ACER2: variants seen among roughly 807,000 people sequenced by gnomAD.
ACER2 encodes the protein alkCDase 2.
A neutral mutation model predicts 34.7 loss-of-function variants in ACER2; 26 were observed. The observed-to-expected ratio is 0.75, with a 90% confidence interval of 0.55 to 1.04. ACER2 has a LOEUF of 1.04. ACER2 is among the 50% of genes least tolerant of loss of function. The pLI, the probability that ACER2 is intolerant of heterozygous loss-of-function variation, is 0.00. For synonymous variants in ACER2, 138 were observed against 132.1 expected (o/e 1.04, Z -0.31); for missense variants, 352 against 340.8 (o/e 1.03, Z -0.26).
chr9:19,446,908 C>T (rs1831386461), intron 5 of ACER2, among the ~76,000 whole-genome samples: 1 of 152,046 alleles, frequency 6.6e-6, no homozygotes, highest in African/African-American at 2.4e-5. Context: ...GACAGAAGAC[C>T]AGAGAGCTAA....
At chr9:19,434,066 G>A (rs1431832117) in intron 3 of ACER2, among the ~76,000 whole-genome samples, 15 of 147,110 alleles carry the variant, frequency 1.0e-4, no homozygotes, top group African/African-American at 3.4e-4. Context: ...CGGGGCGGCC[G>A]GGCAGAGACG....
chr9:19,422,275 G>C (rs1830428789), intron 1 of ACER2, among the ~76,000 whole-genome samples: 1 of 151,596 alleles, frequency 6.6e-6, no homozygotes, highest in Non-Finnish European at 1.5e-5. Flanking sequence ...CTCTAGCCTG[G>C]TTGACAGAGT....
intron 4 of ACER2, 97 bp from the exon 5 acceptor site, chr9:19,446,184 G>C: frequency 6.4e-7 from 1 of 1,554,768 alleles, no homozygotes; most frequent in Non-Finnish European, 8.9e-7. Context: ...GGGGTTGTAG[G>C]CATGAGAGGA....
At chr9:19,426,980 G>C (rs887859871) in intron 3 of ACER2, among the ~76,000 whole-genome samples, 1 of 152,152 alleles carries the variant, frequency 6.6e-6, no homozygotes, top group Non-Finnish European at 1.5e-5. Flanking sequence ...TTTCTCTGGG[G>C]AAGATGTGAA....
intron 4 of ACER2, among the ~76,000 whole-genome samples, chr9:19,443,906 C>G (rs1357470462): frequency 6.6e-6 from 1 of 152,052 alleles, no homozygotes; most frequent in Non-Finnish European, 1.5e-5. Context: ...ATCCTCCCAC[C>G]TTGGCCTCCC....
At chr9:19,421,492 A>G (rs189739095) in intron 1 of ACER2, among the ~76,000 whole-genome samples, 2 of 152,360 alleles carry the variant, frequency 1.3e-5, no homozygotes, top group Non-Finnish European at 2.9e-5. Context: ...GCTAGATACA[A>G]AAGGACATAT....
At chr9:19,432,517 T>G (rs745921554) in intron 3 of ACER2, among the ~76,000 whole-genome samples, 2 of 151,654 alleles carry the variant, frequency 1.3e-5, no homozygotes, top group Non-Finnish European at 2.9e-5. Context: ...GTTGAGTAGT[T>G]GAGACCTTAG....
chr9:19,445,860 G>T (rs560416245), intron 4 of ACER2, among the ~76,000 whole-genome samples: 1 of 152,340 alleles, frequency 6.6e-6, no homozygotes, highest in Admixed American at 6.5e-5. Flanking sequence ...AGACTCTGAT[G>T]AGATGGCGGT....
chr9:19,441,653 A>G (rs1466304760), intron 4 of ACER2, among the ~76,000 whole-genome samples: 1 of 152,034 alleles, frequency 6.6e-6, no homozygotes, highest in Non-Finnish European at 1.5e-5. Context: ...TATGGCACCC[A>G]TCCTGATTGT....
At chr9:19,437,584 C>T (rs889403080) in intron 4 of ACER2, among the ~76,000 whole-genome samples, 9 of 152,162 alleles carry the variant, frequency 5.9e-5, no homozygotes, top group African/African-American at 9.7e-5. Context: ...AGTGGCGCCT[C>T]GTTGTCTAAG....
At chr9:19,421,781 A>G (rs1479166488) in intron 1 of ACER2, among the ~76,000 whole-genome samples, 1 of 127,920 alleles carries the variant, frequency 7.8e-6, no homozygotes, top group African/African-American at 3.8e-5. Flanking sequence ...AAAGTTCAGA[A>G]AAAAAAAGCT....
At chr9:19,427,828 G>C (rs989280254) in intron 3 of ACER2, among the ~76,000 whole-genome samples, 4 of 151,698 alleles carry the variant, frequency 2.6e-5, no homozygotes, top group Non-Finnish European at 5.9e-5. Context: ...CACCACGCCT[G>C]GCTAATTTTT....
chr9:19,424,267 G>A, intron 2 of ACER2: 1 of 723,390 alleles, frequency 1.4e-6, no homozygotes, highest in South Asian at 6.3e-5. Flanking sequence ...TGAACTCTGG[G>A]GAGGCTGGTT....
At chr9:19,426,183 G>A (rs531822639) in intron 3 of ACER2, among the ~76,000 whole-genome samples, 192 of 150,746 alleles carry the variant, frequency 1.3e-3, no homozygotes, top group Middle Eastern at 0.01. Flanking sequence ...CAGCAGAGAG[G>A]AACAGCCGCT....
chr9:19,426,690 A>T (rs1312706205), intron 3 of ACER2, among the ~76,000 whole-genome samples: 1 of 150,728 alleles, frequency 6.6e-6, no homozygotes, highest in African/African-American at 2.4e-5. Flanking sequence ...TGATTCTTGG[A>T]GGTAGGGGGA....
intron 4 of ACER2, 111 bp downstream of exon 4, chr9:19,435,195 A>T (rs900012336): frequency 3.7e-6 from 5 of 1,348,358 alleles, no homozygotes; most frequent in Non-Finnish European, 5.0e-6. Flanking sequence ...CCTTGTGAAG[A>T]GTTAGTTGCT....
Position 19,409,083 on chromosome 9 carries a change from C to T in ACER2, c.-2C>T, listed in dbSNP as rs1184588851. 6.3e-7 allele frequency: 1 copy of T among 1,579,502 alleles called. No individual in the cohort carries two copies. The highest frequency in any genetic ancestry group is 2.3e-5 in the East Asian group (1 of 43,318). On this transcript the variant is annotated 5_prime_UTR_variant, in exon 1 of 6. Transcript: ENST00000340967. ...CAGCTGCTCCAATGCCCCGGAGTGG[C>T]CATGGGCGCCCCGCACTGGTGGGAC...
chr9:19,432,979 A>G (rs1830805954), intron 3 of ACER2, among the ~76,000 whole-genome samples: 1 of 151,664 alleles, frequency 6.6e-6, no homozygotes, highest in Admixed American at 6.6e-5. Flanking sequence ...AACATCTGAA[A>G]ACATACGGAA....
At chr9:19,409,630 G>A (rs1414800077) in intron 1 of ACER2, 2 of 518,400 alleles carry the variant, frequency 3.9e-6, no homozygotes, top group Non-Finnish European at 5.0e-6. Flanking sequence ...GTGCTGGGAA[G>A]AGCACGCCCC....
Sources: allele counts gnomAD v4.1 joint callset (sites outside exome capture counted in the v4.1 genomes callset), GRCh38; gene constraint gnomAD v4.1.1; transcripts MANE v1.5; gene names NCBI Gene and HGNC (gene_info 2026-07-23, HGNC 2026-07-21).